Variants in WWOX observed in about 807,000 individuals in gnomAD.
WWOX encodes the protein WW domain containing oxidoreductase, also known as WW domain-containing oxidoreductase.
In WWOX, 69 loss-of-function variants were observed where a neutral mutation model predicts 46.2. That is an observed-to-expected ratio of 1.49 (90% confidence interval 1.23 to 1.82). The LOEUF (loss-of-function observed/expected upper bound fraction) is 1.82, where lower values mean the gene tolerates loss of function less well. Among genes scored for constraint, WWOX ranks in the 40% most tolerant of loss-of-function variants. The pLI, the probability that WWOX is intolerant of heterozygous loss-of-function variation, is 0.00. For missense variants in WWOX, 919 were observed against 542.6 expected, an observed-to-expected ratio of 1.69 and a Z score of -6.89; for synonymous variants, 359 against 202.6, an observed-to-expected ratio of 1.77 and a Z score of -6.56.
At chr16:78,490,422 CT>C (rs1231052832) in intron 8 of WWOX, among the ~76,000 whole-genome samples, 1 of 152,138 alleles carries the variant, frequency 6.6e-6, no homozygotes, top group African/African-American at 2.4e-5. Flanking sequence ...ATTTGGACTC[CT>C]TTGGTGCTCG....
At chr16:78,740,040 G>T (rs1284885782) in intron 8 of WWOX, among the ~76,000 whole-genome samples, 1 of 152,032 alleles carries the variant, frequency 6.6e-6, no homozygotes, top group African/African-American at 2.4e-5. Flanking sequence ...CACCACATTT[G>T]ACCACCTAAC....
rs141104851 is a variant in WWOX at position 78,972,347 on chromosome 16, G to A, written c.1057-239261G>A. On this transcript the variant is annotated intron_variant, in intron 8 of 8. Transcript: ENST00000566780. ...TCCAGGAGGGCTTTATTGGATGGGAGCCGTGAAGTGAGCGCCGTGTATTTC... is the reference window on the plus strand; with the variant it reads ...TCCAGGAGGGCTTTATTGGATGGGAACCGTGAAGTGAGCGCCGTGTATTTC... 7.2e-5 allele frequency among the ~76,000 whole-genome samples: 11 copies of A among 152,244 alleles called. No homozygotes were observed. In the East Asian group the frequency reaches 2.1e-3, roughly 29 times the overall value.
intron 8 of WWOX, chr16:78,551,415 G>A (rs1037554642): frequency 1.3e-5 from 2 of 152,206 alleles, no homozygotes; most frequent in East Asian, 1.9e-4. Flanking sequence ...AGTGTTGTAA[G>A]GAAATGGGAG....
intron 8 of WWOX, among the ~76,000 whole-genome samples, chr16:78,566,159 C>G (rs1252099164): frequency 6.6e-6 from 1 of 152,084 alleles, no homozygotes; most frequent in East Asian, 1.9e-4. Context: ...TGGAACCTTT[C>G]TCTTATAAGG....
intron 5 of WWOX, among the ~76,000 whole-genome samples, chr16:78,223,792 G>T (rs1010259010): frequency 6.6e-6 from 1 of 152,144 alleles, no homozygotes; most frequent in Non-Finnish European, 1.5e-5. Flanking sequence ...CATGGCTGGC[G>T]TAATGGCGGA....
chr16:78,790,844 C>A (rs555922334), intron 8 of WWOX, among the ~76,000 whole-genome samples: 13 of 151,658 alleles, frequency 8.6e-5, no homozygotes, highest in African/African-American at 1.7e-4. Flanking sequence ...CATGGTGAAA[C>A]CTCATTTCTA....
At chr16:79,027,464 AC>A (rs2047668793) in intron 8 of WWOX, among the ~76,000 whole-genome samples, 1 of 151,684 alleles carries the variant, frequency 6.6e-6, no homozygotes, top group Admixed American at 6.6e-5. Flanking sequence ...GTTTATTGAT[AC>A]TAAGAAGAGC....
chr16:78,108,010 C>G (rs1002547725), intron 1 of WWOX, among the ~76,000 whole-genome samples: 1 of 151,858 alleles, frequency 6.6e-6, no homozygotes, highest in Non-Finnish European at 1.5e-5. Flanking sequence ...CTCACTGCAA[C>G]TTCTGCTTCC....
intron 6 of WWOX, among the ~76,000 whole-genome samples, chr16:78,406,955 G>A (rs994346563): frequency 6.6e-6 from 1 of 152,066 alleles, no homozygotes; most frequent in Admixed American, 6.6e-5. Context: ...AAACTCCTTG[G>A]ATGCTACCTA....
chr16:78,843,343 T>C lies in WWOX; in HGVS notation c.1057-368265T>C, dbSNP rs750057789. 2.7e-5 allele frequency among the ~76,000 whole-genome samples: 4 copies of C among 150,230 alleles called. No individual in the cohort carries two copies. The Admixed American group carries it at 2.7e-4, about 10-fold the overall frequency. On this transcript the variant is annotated intron_variant, in intron 8 of 8. Coordinates refer to ENST00000566780, the MANE Select transcript of WWOX (RefSeq NM_016373.4). ...GGTAAAGCCACCTAGGTCAGTGCCA[T>C]GTCCAACCCAATCTGGAAAACGATT...
At chr16:78,399,418 G>T (rs76903619) in intron 6 of WWOX, among the ~76,000 whole-genome samples, 2 of 152,140 alleles carry the variant, frequency 1.3e-5, no homozygotes, top group Admixed American at 1.3e-4. Context: ...TTCTTACAAG[G>T]AATCTATGAA....
intron 4 of WWOX, among the ~76,000 whole-genome samples, chr16:78,160,054 T>G (rs1476530095): frequency 6.6e-6 from 1 of 152,172 alleles, no homozygotes; most frequent in Admixed American, 6.5e-5. Flanking sequence ...ATGTTTGTTT[T>G]AGATTTATAA....
chr16:78,759,734 G>A (rs2049744324), intron 8 of WWOX, among the ~76,000 whole-genome samples: 1 of 152,174 alleles, frequency 6.6e-6, no homozygotes, highest in Non-Finnish European at 1.5e-5. Context: ...TAAAAAGTTA[G>A]CACAAATGCA....
chr16:78,975,109 A>G (rs1290456202), intron 8 of WWOX, among the ~76,000 whole-genome samples: 1 of 152,178 alleles, frequency 6.6e-6, no homozygotes, highest in Non-Finnish European at 1.5e-5. Context: ...CTGGACCAGA[A>G]TTGATTGCCA....
At chr16:78,706,206 T>A (rs1316947334) in intron 8 of WWOX, among the ~76,000 whole-genome samples, 1 of 152,122 alleles carries the variant, frequency 6.6e-6, no homozygotes, top group Non-Finnish European at 1.5e-5. Context: ...GAAAACAGTT[T>A]TCGTGCATAT....
intron 8 of WWOX, among the ~76,000 whole-genome samples, chr16:78,690,477 T>C (rs1221671395): frequency 1.3e-5 from 2 of 152,078 alleles, no homozygotes; most frequent in Non-Finnish European, 2.9e-5. Context: ...GCTTGGGCCC[T>C]GGACGTCAAG....
At chr16:79,210,538 T>G (rs1161290755) in intron 8 of WWOX, among the ~76,000 whole-genome samples, 1 of 152,192 alleles carries the variant, frequency 6.6e-6, no homozygotes, top group Non-Finnish European at 1.5e-5. Context: ...TTATCTTCAG[T>G]TACCTTTTCC....
At chr16:78,928,604 A>G (rs1597163133) in intron 8 of WWOX, among the ~76,000 whole-genome samples, 1 of 152,138 alleles carries the variant, frequency 6.6e-6, no homozygotes, top group African/African-American at 2.4e-5. Context: ...AGTTGTAAAT[A>G]CACTTTCTAA....
At chr16:78,955,589 C>A (rs77048774) in intron 8 of WWOX, among the ~76,000 whole-genome samples, 1 of 152,016 alleles carries the variant, frequency 6.6e-6, no homozygotes, top group Non-Finnish European at 1.5e-5. Context: ...TATGAAACCT[C>A]TTTTAACTTT....
Sources: gnomAD v4.1 joint callset for allele counts (sites outside exome capture counted in the v4.1 genomes callset) on GRCh38, gnomAD v4.1.1 for gene constraint, MANE v1.5 for transcripts, NCBI Gene and HGNC (gene_info 2026-07-23, HGNC 2026-07-21) for gene names.